STPG2: variants seen among roughly 807,000 people sequenced by gnomAD.
STPG2 encodes the protein sperm-tail PG-rich repeat-containing protein 2.
Under a neutral mutation model 54.2 loss-of-function variants are expected in STPG2, and 56 were observed. That is an observed-to-expected ratio of 1.03 (90% CI 0.83 to 1.29). The LOEUF (loss-of-function observed/expected upper bound fraction) is 1.29, where lower values mean the gene tolerates loss of function less well. Ranked by LOEUF, STPG2 falls within the 50% of genes most tolerant of loss-of-function variation. STPG2 has a pLI of 0.00. For synonymous variants in STPG2, 200 were observed against 181.8 expected, an observed-to-expected ratio of 1.10 and a Z score of -0.81; for missense variants, 596 against 544.9, an observed-to-expected ratio of 1.09 and a Z score of -0.93.
chr4:97,802,118 CACACTTTGAGAA>C (rs1227130147), intron 9 of STPG2, among the ~76,000 whole-genome samples: 2 of 152,204 alleles, frequency 1.3e-5, no homozygotes, highest in South Asian at 2.1e-4. Context: ...CTCCAGGAAC[CACACTTTGAGAA>C]ACACTGTTTT....
At chr4:97,850,270 G>A (rs1330347120) in intron 8 of STPG2, among the ~76,000 whole-genome samples, 1 of 78,100 alleles carries the variant, frequency 1.3e-5, no homozygotes, top group East Asian at 4.2e-4. Flanking sequence ...GGGGACTGTG[G>A]TGGGGAGGGG....
At chr4:98,124,641 T>A (rs1739778081) in intron 3 of STPG2, among the ~76,000 whole-genome samples, 1 of 152,174 alleles carries the variant, frequency 6.6e-6, no homozygotes, top group African/African-American at 2.4e-5. Context: ...TTGGATAATC[T>A]GATGATTATG....
chr4:97,749,007 G>A (rs533590829), intron 9 of STPG2, among the ~76,000 whole-genome samples: 3 of 151,640 alleles, frequency 2.0e-5, no homozygotes, highest in South Asian at 4.1e-4. Context: ...GGAGAAATCC[G>A]TTTTGGGTGT....
chr4:97,583,663 T>C (rs1195035086), intron 10 of STPG2, among the ~76,000 whole-genome samples: 1 of 151,674 alleles, frequency 6.6e-6, no homozygotes, highest in Non-Finnish European at 1.5e-5. Flanking sequence ...CACATAAACT[T>C]AAGGTAAAGA....
chr4:98,069,054 G>C (rs1221580397), intron 5 of STPG2, among the ~76,000 whole-genome samples: 1 of 151,964 alleles, frequency 6.6e-6, no homozygotes, highest in African/African-American at 2.4e-5. Flanking sequence ...CAGAATTTAA[G>C]TAACCAAACA....
At chr4:97,989,394 G>A (rs1734940782) in intron 5 of STPG2, among the ~76,000 whole-genome samples, 1 of 152,084 alleles carries the variant, frequency 6.6e-6, no homozygotes, top group Non-Finnish European at 1.5e-5. Context: ...GTCTCCCAGT[G>A]AATGCCTGAA....
intron 7 of STPG2, among the ~76,000 whole-genome samples, chr4:97,946,634 A>G (rs1733235498): frequency 6.6e-6 from 1 of 152,154 alleles, no homozygotes; most frequent in Admixed American, 6.6e-5. Context: ...TCCCAGGACC[A>G]TTTATTGAAT....
chr4:98,131,712 A>G (rs533345214), intron 2 of STPG2, among the ~76,000 whole-genome samples: 1 of 152,250 alleles, frequency 6.6e-6, no homozygotes, highest in East Asian at 1.9e-4. Flanking sequence ...ATTATATAGC[A>G]CCCAATGTAC....
intron 7 of STPG2, among the ~76,000 whole-genome samples, chr4:97,963,445 G>C (rs1036637624): frequency 1.3e-5 from 2 of 152,088 alleles, no homozygotes; most frequent in Non-Finnish European, 2.9e-5. Context: ...CTCGTGCCAG[G>C]AGTTCAAGAT....
intron 5 of STPG2, among the ~76,000 whole-genome samples, chr4:97,988,590 C>A (rs527551789): frequency 1.3e-5 from 2 of 152,196 alleles, no homozygotes; most frequent in East Asian, 1.9e-4. Flanking sequence ...CAAATAAGTG[C>A]ATTAGCCATT....
intron 7 of STPG2, among the ~76,000 whole-genome samples, chr4:97,969,369 A>C (rs1734237333): frequency 6.6e-6 from 1 of 152,088 alleles, no homozygotes; most frequent in African/African-American, 2.4e-5. Flanking sequence ...TCCCCATGTG[A>C]CCATCTCACC....
intron 5 of STPG2, among the ~76,000 whole-genome samples, chr4:98,000,545 T>C (rs894986243): frequency 6.6e-6 from 1 of 152,134 alleles, no homozygotes; most frequent in African/African-American, 2.4e-5. Flanking sequence ...TCTATTACAA[T>C]TGTTTGCATA....
At chr4:97,934,236 T>C (rs946976341) in intron 8 of STPG2, among the ~76,000 whole-genome samples, 2 of 152,192 alleles carry the variant, frequency 1.3e-5, no homozygotes, top group African/African-American at 2.4e-5. Context: ...TTGCTGAAGT[T>C]CCTTTCAGCT....
At chr4:97,537,994 A>G (rs1419352382) in intron 4 of STPG2, among the ~76,000 whole-genome samples, 1 of 152,196 alleles carries the variant, frequency 6.6e-6, no homozygotes, top group African/African-American at 2.4e-5. Flanking sequence ...CTGACTATTA[A>G]AAGGAAAACT....
Position 98,128,517 on chromosome 4 carries a change from A to T in STPG2, c.298T>A (p.Tyr100Asn), listed in dbSNP as rs1239401098. The T allele has an allele frequency of 6.2e-7, 1 of 1,613,536 alleles. No individual in the cohort carries two copies. ...ATACTGCCATCATCATTAATATGAT[A>T]ACCATATGACTTTCCACAAGAAGGA... ...SIPSCGKSYG[Y>N]HINDDGSIIK... is the part of the protein sequence containing the mutation. The change falls in exon 3 of 11, where the codon TAT (tyrosine) becomes AAT (asparagine). Residue 100 changes from tyrosine (Y) to asparagine (N), a missense_variant. By Grantham distance (143) the Tyr-to-Asn change is moderately radical (BLOSUM62 -2). Coordinates refer to ENST00000295268, the MANE Select transcript of STPG2 (RefSeq NM_174952.3).
chr4:97,952,115 A>G (rs576193167), intron 7 of STPG2, among the ~76,000 whole-genome samples: 13 of 152,214 alleles, frequency 8.5e-5, no homozygotes, highest in Admixed American at 7.2e-4. Context: ...TGTTCCAAGT[A>G]TAGAGGAGTT....
chr4:97,867,721 A>G (rs1046616746), intron 8 of STPG2, among the ~76,000 whole-genome samples: 2 of 152,042 alleles, frequency 1.3e-5, no homozygotes, highest in African/African-American at 4.8e-5. Flanking sequence ...ATCAGTTCCC[A>G]AGCTCTTCTG....
At chr4:97,905,426 A>G (rs1731367882) in intron 8 of STPG2, among the ~76,000 whole-genome samples, 1 of 152,134 alleles carries the variant, frequency 6.6e-6, no homozygotes, top group South Asian at 2.1e-4. Context: ...TGTCACCACC[A>G]GGCCTGCCCT....
At chr4:97,910,978 C>A (rs1289825038) in intron 8 of STPG2, among the ~76,000 whole-genome samples, 1 of 152,172 alleles carries the variant, frequency 6.6e-6, no homozygotes, top group Non-Finnish European at 1.5e-5. Context: ...ACTGACTACG[C>A]AATCGGCGTG....
Sources: gnomAD v4.1 joint callset for allele counts (sites outside exome capture counted in the v4.1 genomes callset) on GRCh38, gnomAD v4.1.1 for gene constraint, MANE v1.5 for transcripts, NCBI Gene and HGNC (gene_info 2026-07-23, HGNC 2026-07-21) for gene names.